The following GIPC2 variants were observed in gnomAD, a reference collection of about 807,000 sequenced individuals.
GIPC2 encodes the protein PDZ domain-containing protein GIPC2.
Under a neutral mutation model 30.6 loss-of-function variants are expected in GIPC2, and 30 were observed. The ratio of observed to expected loss-of-function variants is 0.98; its 90% CI spans 0.73 to 1.33. The LOEUF is 1.33. Ranked by LOEUF, GIPC2 falls within the 40% of genes most tolerant of loss-of-function variation. The probability of loss-of-function intolerance (pLI) is 0.00; values close to 1 mark genes in which losing one functional copy is unlikely to be tolerated. For synonymous variants in GIPC2, 167 were observed against 150.0 expected (o/e 1.11, Z -0.83); for missense variants, 414 against 390.3 (o/e 1.06, Z -0.51).
chr1:78,069,697 C>A (rs1002827784), intron 1 of GIPC2, among the ~76,000 whole-genome samples: 1 of 152,104 alleles, frequency 6.6e-6, no homozygotes, highest in Non-Finnish European at 1.5e-5. Context: ...TGGTCTTGAA[C>A]TCCTGACCTC....
chr1:78,115,149 G>C lies in GIPC2; in HGVS notation c.608-4244G>C, dbSNP rs962221422. 2.6e-5 allele frequency among the ~76,000 whole-genome samples: 4 copies of C among 151,980 alleles called. No homozygotes were observed. The South Asian group carries it at 6.2e-4, about 24-fold the overall frequency. On this transcript the variant is annotated intron_variant, in intron 3 of 5. Transcript: ENST00000370759. ...CTCCAGAGGCTGGGTCCTTAGCTTT[G>C]TAAGTCCCAGAAACCTTTTTATTTT...
At chr1:78,116,913 TC>T (rs1322424370) in intron 3 of GIPC2, among the ~76,000 whole-genome samples, 1 of 145,874 alleles carries the variant, frequency 6.9e-6, no homozygotes. Context: ...TAGTTCTAGA[TC>T]CTTGAGGAAT....
At chr1:78,093,237 C>G (rs1662073427) in intron 2 of GIPC2, among the ~76,000 whole-genome samples, 1 of 152,094 alleles carries the variant, frequency 6.6e-6, no homozygotes, top group African/African-American at 2.4e-5. Flanking sequence ...TCTTTAGACT[C>G]TAGTCTTTTC....
chr1:78,078,287 A>G (rs1271318886), intron 1 of GIPC2, among the ~76,000 whole-genome samples: 3 of 151,464 alleles, frequency 2.0e-5, no homozygotes, highest in Admixed American at 1.3e-4. Flanking sequence ...GACCTTTATC[A>G]TATACTTAGA....
intron 1 of GIPC2, among the ~76,000 whole-genome samples, chr1:78,065,374 A>G (rs1037356265): frequency 1.3e-5 from 2 of 152,194 alleles, no homozygotes; most frequent in African/African-American, 4.8e-5. Context: ...AAAGATCTCT[A>G]CAAGGAGAAC....
chr1:78,074,689 A>C (rs1571488908), intron 1 of GIPC2, among the ~76,000 whole-genome samples: 1 of 152,158 alleles, frequency 6.6e-6, no homozygotes, highest in Admixed American at 6.5e-5. Context: ...TTCATCTCTT[A>C]CGTTTCTTTT....
intron 3 of GIPC2, among the ~76,000 whole-genome samples, chr1:78,099,081 G>A (rs1290105624): frequency 6.6e-6 from 1 of 152,126 alleles, no homozygotes; most frequent in East Asian, 1.9e-4. Context: ...GAAGGTACAG[G>A]TATTTTAGCA....
At position 78,077,432 on chromosome 1, in the gene GIPC2, A is replaced by G. The variant is rs780289749; in HGVS notation, c.241-3243A>G. On this transcript the variant is annotated intron_variant, in intron 1 of 5. Transcript: ENST00000370759. ...TGATGCTCTAGAAAATGAAATAGTC[A>G]TGGGTACTCCATCAGTTATGGAAAT... 1.1e-3 allele frequency among the ~76,000 whole-genome samples: 161 copies of G among 152,340 alleles called. 1 individual carries two copies. The highest frequency in any genetic ancestry group is 2.0e-3 in the Non-Finnish European group (134 of 68,032).
intron 5 of GIPC2, among the ~76,000 whole-genome samples, chr1:78,131,616 T>C (rs769260111): frequency 2.4e-4 from 36 of 152,214 alleles, no homozygotes; most frequent in Non-Finnish European, 4.4e-4. Context: ...TTATAAAAAG[T>C]GTTTTATTTT....
intron 1 of GIPC2, among the ~76,000 whole-genome samples, chr1:78,060,842 T>C (rs995937360): frequency 6.6e-6 from 1 of 151,966 alleles, no homozygotes; most frequent in African/African-American, 2.4e-5. Flanking sequence ...GATAGATAGA[T>C]AGGTAGATAG....
chr1:78,115,061 G>A (rs182516070), intron 3 of GIPC2, among the ~76,000 whole-genome samples: 29 of 152,286 alleles, frequency 1.9e-4, no homozygotes, highest in Admixed American at 4.6e-4. Flanking sequence ...AGATAGAAAC[G>A]TCATGTAGAG....
chr1:78,078,555 T>C (rs1661762203), intron 1 of GIPC2, among the ~76,000 whole-genome samples: 1 of 152,174 alleles, frequency 6.6e-6, no homozygotes, highest in Non-Finnish European at 1.5e-5. Flanking sequence ...TGGAATGTTA[T>C]TCTGCACGGG....
rs530089749 is a variant in GIPC2, at chr1:78,117,038, T to C, written c.608-2355T>C. ...ACCTGTTTCCTGACTTTTTAATGAT[T>C]GCCATTCTAACTGGTGTGAGATGGT... On this transcript the variant is annotated intron_variant, in intron 3 of 5. Coordinates refer to ENST00000370759, the MANE Select transcript of GIPC2 (RefSeq NM_017655.6). 2.5e-3 allele frequency among the ~76,000 whole-genome samples: 378 copies of C among 152,298 alleles called. 2 individuals are homozygous for C. Among genetic ancestry groups the C allele is most frequent in the African/African-American group, 8.8e-3 (364 of 41,554 alleles).
intron 1 of GIPC2, among the ~76,000 whole-genome samples, chr1:78,067,979 C>T (rs1340629222): frequency 6.6e-6 from 1 of 152,176 alleles, no homozygotes; most frequent in Middle Eastern, 3.2e-3. Flanking sequence ...AGCCCGGACT[C>T]TTCTGATGAG....
intron 2 of GIPC2, among the ~76,000 whole-genome samples, chr1:78,082,253 C>T (rs914489962): frequency 2.6e-5 from 4 of 152,160 alleles, no homozygotes; most frequent in Admixed American, 2.0e-4. Flanking sequence ...GCTGGCACTT[C>T]TATTCACTCG....
intron 1 of GIPC2, among the ~76,000 whole-genome samples, chr1:78,078,208 A>AG (rs1234411647): frequency 1.4e-4 from 21 of 151,264 alleles, no homozygotes; most frequent in Admixed American, 4.0e-4. Flanking sequence ...AAAAAAAAAA[A>AG]AACCTAGTGT....
chr1:78,109,693 A>G (rs1402456182), intron 3 of GIPC2, among the ~76,000 whole-genome samples: 2 of 152,134 alleles, frequency 1.3e-5, no homozygotes, highest in Admixed American at 1.3e-4. Flanking sequence ...ACCCCAAATA[A>G]TTTACCTTGA....
At chr1:78,087,596 C>T (rs557888445) in intron 2 of GIPC2, among the ~76,000 whole-genome samples, 2 of 152,286 alleles carry the variant, frequency 1.3e-5, no homozygotes, top group African/African-American at 4.8e-5. Context: ...CCCCTCCTTA[C>T]ACCATATACA....
chr1:78,065,732 A>C (rs1433396138), intron 1 of GIPC2, among the ~76,000 whole-genome samples: 1 of 152,232 alleles, frequency 6.6e-6, no homozygotes, highest in African/African-American at 2.4e-5. Flanking sequence ...AAGAGAACCC[A>C]GAAGTAAGGC....
Sources: gnomAD v4.1 joint callset for allele counts (sites outside exome capture counted in the v4.1 genomes callset) on GRCh38, gnomAD v4.1.1 for gene constraint, MANE v1.5 for transcripts, NCBI Gene and HGNC (gene_info 2026-07-23, HGNC 2026-07-21) for gene names.